Variants in IGF1R observed in about 807,000 individuals in gnomAD.
IGF1R encodes the protein insulin like growth factor 1 receptor, also known as insulin-like growth factor 1 receptor.
Under a neutral mutation model 144.6 loss-of-function variants are expected in IGF1R, and 44 were observed. The ratio of observed to expected loss-of-function variants is 0.30; its 90% CI spans 0.24 to 0.39. The LOEUF (loss-of-function observed/expected upper bound fraction) is 0.39, where lower values mean the gene tolerates loss of function less well. Ranked by LOEUF, IGF1R falls within the 10% of genes least tolerant of loss-of-function variation. IGF1R has a pLI of 1.00. For synonymous variants in IGF1R, 795 were observed against 722.8 expected (o/e 1.10, Z -1.60); for missense variants, 1,355 against 1,833.7 (o/e 0.74, Z 4.77).
At chr15:98,717,345 T>A (rs570702282) in intron 2 of IGF1R, among the ~76,000 whole-genome samples, 1 of 151,932 alleles carries the variant, frequency 6.6e-6, no homozygotes, top group Admixed American at 6.6e-5. Flanking sequence ...ATTTTTTTTT[T>A]AAATTAAACT....
chr15:98,881,458 C>T (rs61049932), intron 2 of IGF1R, among the ~76,000 whole-genome samples: 2,564 of 152,314 alleles, frequency 0.017, 36 homozygotes, highest in Middle Eastern at 0.027. Flanking sequence ...GTAGCTAGGA[C>T]TACAGGTGTG....
At chr15:98,942,792 G>A in intron 18 of IGF1R, 131 bp from the exon 19 acceptor site, 1 of 1,142,852 alleles carries the variant, frequency 8.8e-7, no homozygotes, top group Non-Finnish European at 1.3e-6. Flanking sequence ...CTAATATTTG[G>A]CCACCTTAAA....
chr15:98,960,760 A>G lies in IGF1R; in HGVS notation c.*3318A>G. On this transcript the variant is annotated 3_prime_UTR_variant, in exon 21 of 21. Coordinates refer to ENST00000650285, the MANE Select transcript of IGF1R (RefSeq NM_000875.5). Reference sequence around the variant, plus strand: ...CCTGACCTCACAGCCAGTCCCTGATAGAACACACGCAGGAGCAGAGTCCCC... The same window carrying G: ...CCTGACCTCACAGCCAGTCCCTGATGGAACACACGCAGGAGCAGAGTCCCC... 1 of 233,726 alleles carries G rather than the reference A, an allele frequency of 4.3e-6. No individual in the cohort carries two copies. Among genetic ancestry groups the G allele is most frequent in the Non-Finnish European group, 8.5e-6 (1 of 118,246 alleles). The allele number at this position is 233,726 out of a possible 1,614,324, so 14.5% of individuals were successfully genotyped here. A position where few individuals can be genotyped will look rare whatever the true frequency, so the allele number is the denominator to read the frequency against.
chr15:98,769,011 T>C (rs1394260819), intron 2 of IGF1R, among the ~76,000 whole-genome samples: 1 of 152,174 alleles, frequency 6.6e-6, no homozygotes. Flanking sequence ...ATCTAGACAA[T>C]GTGAAATGCA....
At chr15:98,821,158 C>T (rs890499916) in intron 2 of IGF1R, among the ~76,000 whole-genome samples, 3 of 152,130 alleles carry the variant, frequency 2.0e-5, no homozygotes, top group East Asian at 1.9e-4. Context: ...AGAACTCAGG[C>T]GTCCAAGAGT....
At chr15:98,773,644 C>A (rs45540436) in intron 2 of IGF1R, among the ~76,000 whole-genome samples, 10,455 of 152,154 alleles carry the variant, frequency 0.069, 1,201 homozygotes, top group African/African-American at 0.24. Flanking sequence ...AACTAGCATT[C>A]GAGCGTCCTC....
chr15:98,886,086 G>A (rs1320065508), intron 2 of IGF1R, among the ~76,000 whole-genome samples: 2 of 152,112 alleles, frequency 1.3e-5, no homozygotes, highest in African/African-American at 2.4e-5. Flanking sequence ...CCAAAGTGCT[G>A]GGATCACAGG....
intron 2 of IGF1R, among the ~76,000 whole-genome samples, chr15:98,756,109 A>G (rs1216000984): frequency 6.6e-6 from 1 of 152,162 alleles, no homozygotes; most frequent in Non-Finnish European, 1.5e-5. Flanking sequence ...ACAAAGCCCT[A>G]CAGATAGGGG....
At chr15:98,843,753 C>T (rs1465150184) in intron 2 of IGF1R, among the ~76,000 whole-genome samples, 1 of 152,104 alleles carries the variant, frequency 6.6e-6, no homozygotes, top group African/African-American at 2.4e-5. Context: ...GTGCTTTCTT[C>T]AGAGTGGGAT....
chr15:98,953,547 G>A (rs1026391751), intron 20 of IGF1R, among the ~76,000 whole-genome samples: 6 of 152,174 alleles, frequency 3.9e-5, no homozygotes, highest in Non-Finnish European at 8.8e-5. Flanking sequence ...TTCAGGAAAC[G>A]TAGTGACGTA....
chr15:98,822,752 T>A (rs1166387768), intron 2 of IGF1R, among the ~76,000 whole-genome samples: 3 of 152,244 alleles, frequency 2.0e-5, no homozygotes, highest in Non-Finnish European at 4.4e-5. Flanking sequence ...AAACTTTTAT[T>A]TTCTGAATCA....
intron 10 of IGF1R, among the ~76,000 whole-genome samples, chr15:98,920,897 A>G (rs1481642013): frequency 6.6e-6 from 1 of 152,084 alleles, no homozygotes; most frequent in Non-Finnish European, 1.5e-5. Flanking sequence ...CTCCCCTTCC[A>G]GGTTCTGACC....
chr15:98,799,679 G>A lies in IGF1R; in HGVS notation c.640+91572G>A, dbSNP rs993314260. ...TGGTAGAAAGGAGTGTTTACTTAGC[G>A]GAGGGGAGTGCTGAGGGCTGCTGTT... On this transcript the variant is annotated intron_variant, in intron 2 of 20. Transcript: ENST00000650285. 1.2e-4 allele frequency among the ~76,000 whole-genome samples: 18 copies of A among 152,284 alleles called. No homozygotes were observed. In the South Asian group the frequency reaches 1.9e-3, roughly 16 times the overall value.
At chr15:98,844,626 G>T (rs1158242824) in intron 2 of IGF1R, among the ~76,000 whole-genome samples, 2 of 152,028 alleles carry the variant, frequency 1.3e-5, no homozygotes, top group African/African-American at 4.8e-5. Context: ...TTGTGTGTGT[G>T]TGTGTGTGTG....
At chr15:98,951,741 G>A (rs1200908443) in intron 20 of IGF1R, among the ~76,000 whole-genome samples, 1 of 151,858 alleles carries the variant, frequency 6.6e-6, no homozygotes, top group Non-Finnish European at 1.5e-5. Context: ...CTGCCCAAGT[G>A]TCTCAGGATG....
intron 2 of IGF1R, among the ~76,000 whole-genome samples, chr15:98,800,562 C>T (rs926330027): frequency 4.6e-5 from 7 of 152,206 alleles, no homozygotes; most frequent in African/African-American, 1.7e-4. Flanking sequence ...GATGGGAATT[C>T]CTTTAATAAC....
intron 2 of IGF1R, among the ~76,000 whole-genome samples, chr15:98,744,123 G>A (rs2054809994): frequency 6.6e-6 from 1 of 151,968 alleles, no homozygotes; most frequent in Admixed American, 6.6e-5. Context: ...GGTTTAGGTG[G>A]TCCTGGAAAG....
intron 20 of IGF1R, among the ~76,000 whole-genome samples, chr15:98,956,150 G>A (rs985639260): frequency 1.2e-4 from 18 of 152,236 alleles, no homozygotes; most frequent in African/African-American, 3.4e-4. Context: ...ACGTGTGGCC[G>A]GCTGTTTTCT....
At chr15:98,677,807 T>C (rs1432489610) in intron 1 of IGF1R, among the ~76,000 whole-genome samples, 2 of 152,150 alleles carry the variant, frequency 1.3e-5, no homozygotes, top group African/African-American at 4.8e-5. Context: ...TGGCCAGAAC[T>C]GAGTTGCATG....
Sources: allele counts gnomAD v4.1 joint callset (sites outside exome capture counted in the v4.1 genomes callset), GRCh38; gene constraint gnomAD v4.1.1; transcripts MANE v1.5; gene names NCBI Gene and HGNC (gene_info 2026-07-23, HGNC 2026-07-21).